The following TPRG1 variants were observed in gnomAD, a reference collection of about 807,000 sequenced individuals.
TPRG1 encodes the protein tumor protein p63 regulated 1, also known as tumor protein p63-regulated gene 1 protein.
In TPRG1, 29 loss-of-function variants were observed where a neutral mutation model predicts 29.3. The ratio of observed to expected loss-of-function variants is 0.99; its 90% CI spans 0.74 to 1.35. The LOEUF is 1.35. Among genes scored for constraint, TPRG1 ranks in the 40% most tolerant of loss-of-function variants. The probability of loss-of-function intolerance (pLI) is 0.00; values close to 1 mark genes in which losing one functional copy is unlikely to be tolerated. For missense variants in TPRG1, 327 were observed against 335.0 expected, an observed-to-expected ratio of 0.98 and a Z score of 0.19; for synonymous variants, 130 against 116.8, an observed-to-expected ratio of 1.11 and a Z score of -0.73.
At chr3:189,257,936 G>T (rs1046225495) in intron 4 of TPRG1, among the ~76,000 whole-genome samples, 1 of 152,058 alleles carries the variant, frequency 6.6e-6, no homozygotes, top group East Asian at 1.9e-4. Context: ...CTTTGCATTG[G>T]GTTAGAACAT....
chr3:189,101,147 C>T (rs1327088841), intron 1 of TPRG1, among the ~76,000 whole-genome samples: 1 of 152,138 alleles, frequency 6.6e-6, no homozygotes, highest in African/African-American at 2.4e-5. Context: ...GTGTCCTCCC[C>T]CTTCCAACTC....
intron 4 of TPRG1, among the ~76,000 whole-genome samples, chr3:189,032,263 C>T (rs1205957509): frequency 1.3e-5 from 2 of 152,020 alleles, no homozygotes; most frequent in African/African-American, 2.4e-5. Flanking sequence ...AGGAAGAGGC[C>T]GTGACCTAAG....
At chr3:189,145,359 T>TAAAAAAAAAAAAAAAAAAAAAA (rs58210295) in intron 3 of TPRG1, among the ~76,000 whole-genome samples, 1 of 107,394 alleles carries the variant, frequency 9.3e-6, no homozygotes. Context: ...AGACTCCATC[T>TAAAAAAAAAAAAAAAAAAAAAA]AAAAAAAAAA....
At chr3:189,210,146 T>A (rs947768477) in intron 2 of TPRG1, among the ~76,000 whole-genome samples, 1 of 152,158 alleles carries the variant, frequency 6.6e-6, no homozygotes, top group Admixed American at 6.6e-5. Context: ...GGGGAGGGTA[T>A]TGGATGTATA....
chr3:189,061,746 C>G (rs1716119491), intron 4 of TPRG1, among the ~76,000 whole-genome samples: 1 of 152,200 alleles, frequency 6.6e-6, no homozygotes, highest in Admixed American at 6.5e-5. Flanking sequence ...GATGCCATCT[C>G]ATGCCAGTCA....
At chr3:189,125,338 C>T (rs758490404) in intron 1 of TPRG1, among the ~76,000 whole-genome samples, 1 of 152,034 alleles carries the variant, frequency 6.6e-6, no homozygotes, top group Non-Finnish European at 1.5e-5. Flanking sequence ...AGTTAACCTC[C>T]CGTATTGTTT....
intron 3 of TPRG1, among the ~76,000 whole-genome samples, chr3:189,227,834 A>C (rs1737997059): frequency 6.6e-6 from 1 of 152,226 alleles, no homozygotes; most frequent in Admixed American, 6.5e-5. Context: ...ATAATTAAAG[A>C]TTTCTGGCCA....
At chr3:189,275,155 TCTTCTA>T (rs1235530012) in intron 4 of TPRG1, among the ~76,000 whole-genome samples, 1 of 152,104 alleles carries the variant, frequency 6.6e-6, no homozygotes, top group Non-Finnish European at 1.5e-5. Flanking sequence ...TTCAAATCAA[TCTTCTA>T]CTTGACAACT....
At chr3:189,235,940 AC>A (rs1739392995) in intron 3 of TPRG1, among the ~76,000 whole-genome samples, 1 of 152,144 alleles carries the variant, frequency 6.6e-6, no homozygotes, top group African/African-American at 2.4e-5. Context: ...GACCTTGTAA[AC>A]CTTTCTGAGC....
chr3:189,001,203 T>A (rs1712002755), intron 2 of TPRG1, among the ~76,000 whole-genome samples: 1 of 152,146 alleles, frequency 6.6e-6, no homozygotes, highest in African/African-American at 2.4e-5. Flanking sequence ...TCTTCAAGTT[T>A]CACAATTTTT....
chr3:189,226,148 T>C (rs1737685884), intron 3 of TPRG1, among the ~76,000 whole-genome samples: 1 of 152,224 alleles, frequency 6.6e-6, no homozygotes, highest in South Asian at 2.1e-4. Context: ...ATCAATCAGC[T>C]GGACCTAATT....
intron 4 of TPRG1, among the ~76,000 whole-genome samples, chr3:189,048,124 T>TATTTCTTA (rs1715089636): frequency 6.6e-6 from 1 of 152,190 alleles, no homozygotes; most frequent in Admixed American, 6.5e-5. Flanking sequence ...TTACAAAATG[T>TATTTCTTA]ATTTCTTAAG....
chr3:189,324,714 A>G lies in TPRG1; in HGVS notation c.*3894A>G, dbSNP rs1226601826. 1.3e-5 allele frequency: 2 copies of G among 152,170 alleles called. No homozygotes were observed. The highest frequency in any genetic ancestry group is 6.6e-5 in the Admixed American group (1 of 15,262). The allele number at this position is 152,170 out of a possible 1,614,324, so 9.4% of individuals were successfully genotyped here. A position where few individuals can be genotyped will look rare whatever the true frequency, so the allele number is the denominator to read the frequency against. On this transcript the variant is annotated 3_prime_UTR_variant, in exon 6 of 6. Transcript: ENST00000345063. ...AAAGCTCCTCAGAAATTCTTTACAC[A>G]CAAGAGACCAAGTTGGAGAAAAGAA... is the stretch of plus-strand genomic sequence containing the variant.
At chr3:189,223,830 G>A (rs1296657588) in intron 3 of TPRG1, among the ~76,000 whole-genome samples, 1 of 152,090 alleles carries the variant, frequency 6.6e-6, no homozygotes, top group African/African-American at 2.4e-5. Flanking sequence ...TTTGCCATAT[G>A]TTATGTCATG....
intron 5 of TPRG1, among the ~76,000 whole-genome samples, chr3:189,315,220 G>T (rs528954809): frequency 4.6e-5 from 7 of 151,320 alleles, no homozygotes; most frequent in African/African-American, 1.7e-4. Context: ...TATAATAATA[G>T]TTCTATGTTA....
chr3:189,173,884 A>G (rs986013781), intron 1 of TPRG1, among the ~76,000 whole-genome samples: 1 of 152,166 alleles, frequency 6.6e-6, no homozygotes, highest in Non-Finnish European at 1.5e-5. Context: ...TGGAGATGGT[A>G]TCATGCCCTT....
intron 4 of TPRG1, among the ~76,000 whole-genome samples, chr3:189,043,687 C>T (rs1714781108): frequency 6.6e-6 from 1 of 152,098 alleles, no homozygotes; most frequent in South Asian, 2.1e-4. Context: ...TGCGATGGCA[C>T]TGGAATTCTA....
At chr3:189,257,080 A>T (rs947436046) in intron 4 of TPRG1, among the ~76,000 whole-genome samples, 1 of 152,116 alleles carries the variant, frequency 6.6e-6, no homozygotes. Flanking sequence ...CCATTAGTTG[A>T]TGCAGTTTCT....
intron 4 of TPRG1, among the ~76,000 whole-genome samples, chr3:189,080,289 G>A (rs546947764): frequency 2.0e-5 from 3 of 152,224 alleles, no homozygotes; most frequent in African/African-American, 7.2e-5. Context: ...AGGCAACCCA[G>A]AGAACAAAGA....
Sources: allele counts gnomAD v4.1 joint callset (sites outside exome capture counted in the v4.1 genomes callset), GRCh38; gene constraint gnomAD v4.1.1; transcripts MANE v1.5; gene names NCBI Gene and HGNC (gene_info 2026-07-23, HGNC 2026-07-21).